The following LRRTM4 variants were observed in gnomAD, a reference collection of about 807,000 sequenced individuals.
The protein encoded by LRRTM4 is leucine-rich repeat transmembrane neuronal protein 4.
In LRRTM4, 25 loss-of-function variants were observed where a neutral mutation model predicts 47.6. The ratio of observed to expected loss-of-function variants is 0.53; its 90% CI spans 0.38 to 0.73. LRRTM4 has a LOEUF of 0.73. LRRTM4 is among the 30% of genes least tolerant of loss of function. LRRTM4 has a pLI of 0.00. For missense variants in LRRTM4, 638 were observed against 713.4 expected, an observed-to-expected ratio of 0.89 and a Z score of 1.20; for synonymous variants, 311 against 269.5, an observed-to-expected ratio of 1.15 and a Z score of -1.51.
At chr2:77,357,646 G>A (rs1672018070) in intron 3 of LRRTM4, among the ~76,000 whole-genome samples, 1 of 152,146 alleles carries the variant, frequency 6.6e-6, no homozygotes, top group South Asian at 2.1e-4. Context: ...AAGACATGGT[G>A]TCATCACAGC....
At chr2:76,856,950 A>G (rs555320921) in intron 3 of LRRTM4, among the ~76,000 whole-genome samples, 2 of 152,194 alleles carry the variant, frequency 1.3e-5, no homozygotes, top group East Asian at 3.9e-4. Flanking sequence ...ATAAAAGAAA[A>G]ATTTACAACA....
chr2:76,796,962 A>C (rs536242041), intron 3 of LRRTM4, among the ~76,000 whole-genome samples: 2,208 of 152,248 alleles, frequency 0.015, 55 homozygotes, highest in African/African-American at 0.049. Context: ...ATATGGGACT[A>C]TGTGAAAAGA....
chr2:77,256,418 T>C lies in LRRTM4; in HGVS notation c.1551+261900A>G, dbSNP rs528650867. On this transcript the variant is annotated intron_variant, in intron 3 of 3. Transcript: ENST00000409884. Reference sequence around the variant, plus strand: ...GAAGACTTCTCATATTGTTTTGCTATGCCCCCACCCAAATCTCATCTTGAG... The same window carrying C: ...GAAGACTTCTCATATTGTTTTGCTACGCCCCCACCCAAATCTCATCTTGAG... 1.4e-4 allele frequency among the ~76,000 whole-genome samples: 21 copies of C among 152,262 alleles called. No homozygotes were observed. In the South Asian group the frequency reaches 3.3e-3, roughly 24 times the overall value.
intron 3 of LRRTM4, among the ~76,000 whole-genome samples, chr2:77,443,907 T>TAA (rs1675943764): frequency 6.6e-6 from 1 of 151,972 alleles, no homozygotes; most frequent in Non-Finnish European, 1.5e-5. Context: ...GGTTGAATCT[T>TAA]AAGAAAAAAT....
chr2:77,049,691 C>T (rs1306294263), intron 3 of LRRTM4, among the ~76,000 whole-genome samples: 1 of 151,806 alleles, frequency 6.6e-6, no homozygotes, highest in Non-Finnish European at 1.5e-5. Flanking sequence ...TTAATATTAA[C>T]CACTTGTATG....
chr2:76,967,152 CCTTG>C (rs1212140074), intron 3 of LRRTM4, among the ~76,000 whole-genome samples: 3 of 147,664 alleles, frequency 2.0e-5, no homozygotes, highest in African/African-American at 7.7e-5. Context: ...AAGTGCATTC[CCTTG>C]CTTTTTTTTT....
intron 3 of LRRTM4, among the ~76,000 whole-genome samples, chr2:77,124,397 A>C (rs1671602317): frequency 6.6e-6 from 1 of 152,142 alleles, no homozygotes. Context: ...GAAGACACAG[A>C]CAAAGCGGTA....
intron 3 of LRRTM4, among the ~76,000 whole-genome samples, chr2:77,111,283 A>ATTT (rs71381260): frequency 0.019 from 2,189 of 112,996 alleles, 76 homozygotes; most frequent in African/African-American, 0.075. Context: ...ACACCTGGCT[A>ATTT]TTTTTTTTTT....
At chr2:77,013,663 A>G (rs1573451532) in intron 3 of LRRTM4, among the ~76,000 whole-genome samples, 1 of 152,196 alleles carries the variant, frequency 6.6e-6, no homozygotes, top group East Asian at 1.9e-4. Flanking sequence ...GCAGAAATCA[A>G]TGCCAGCTCC....
intron 3 of LRRTM4, among the ~76,000 whole-genome samples, chr2:77,053,653 A>C (rs916520453): frequency 2.6e-5 from 4 of 152,168 alleles, no homozygotes; most frequent in African/African-American, 9.7e-5. Context: ...AGCCATTTCA[A>C]AAGTCCCCTT....
intron 3 of LRRTM4, among the ~76,000 whole-genome samples, chr2:77,089,068 C>A (rs1680831851): frequency 1.3e-5 from 2 of 152,166 alleles, no homozygotes; most frequent in South Asian, 4.1e-4. Flanking sequence ...TGATTATACG[C>A]CCACGTTTCA....
intron 3 of LRRTM4, among the ~76,000 whole-genome samples, chr2:77,002,258 G>A (rs1025441216): frequency 1.8e-4 from 27 of 152,190 alleles, no homozygotes; most frequent in South Asian, 8.3e-4. Context: ...TAAAATTGGG[G>A]ACTGCAAAGT....
intron 3 of LRRTM4, among the ~76,000 whole-genome samples, chr2:76,873,354 C>G (rs1050259042): frequency 6.6e-6 from 1 of 151,432 alleles, no homozygotes; most frequent in Non-Finnish European, 1.5e-5. Flanking sequence ...TTCCAATCAC[C>G]TAGTCAGTCA....
intron 3 of LRRTM4, among the ~76,000 whole-genome samples, chr2:76,902,863 A>C (rs1673689274): frequency 6.6e-6 from 1 of 152,038 alleles, no homozygotes; most frequent in South Asian, 2.1e-4. Flanking sequence ...AGTTTTCGAA[A>C]ATGCTATCAT....
chr2:77,418,422 A>G (rs1674732363), intron 3 of LRRTM4, among the ~76,000 whole-genome samples: 1 of 152,186 alleles, frequency 6.6e-6, no homozygotes. Context: ...ACGTTAGAAA[A>G]TTATTACATG....
intron 3 of LRRTM4, among the ~76,000 whole-genome samples, chr2:77,090,343 C>T (rs1336685469): frequency 6.6e-6 from 1 of 152,124 alleles, no homozygotes; most frequent in Non-Finnish European, 1.5e-5. Context: ...TTGACAGCAA[C>T]CCTGAGACAC....
intron 3 of LRRTM4, among the ~76,000 whole-genome samples, chr2:76,772,347 G>A (rs1336451129): frequency 2.0e-5 from 3 of 152,028 alleles, no homozygotes; most frequent in African/African-American, 7.3e-5. Flanking sequence ...CCCAGTCTAG[G>A]GTACTTTTTG....
At chr2:76,932,752 C>A (rs1674814764) in intron 3 of LRRTM4, among the ~76,000 whole-genome samples, 1 of 151,764 alleles carries the variant, frequency 6.6e-6, no homozygotes, top group Non-Finnish European at 1.5e-5. Flanking sequence ...TCTATATATA[C>A]ATATACACAC....
intron 3 of LRRTM4, among the ~76,000 whole-genome samples, chr2:77,276,711 A>G (rs1278663424): frequency 1.6e-5 from 2 of 126,898 alleles, no homozygotes; most frequent in African/African-American, 3.4e-5. Context: ...ATATATATAT[A>G]TATATATATA....
Sources: gnomAD v4.1 joint callset for allele counts (sites outside exome capture counted in the v4.1 genomes callset) on GRCh38, gnomAD v4.1.1 for gene constraint, MANE v1.5 for transcripts, NCBI Gene and HGNC (gene_info 2026-07-23, HGNC 2026-07-21) for gene names.